Variants in CHN1 observed in about 807,000 individuals in gnomAD.
CHN1 encodes chimerin 1.
A neutral mutation model predicts 59.5 loss-of-function variants in CHN1; 37 were observed. The observed-to-expected ratio is 0.62, with a 90% CI of 0.48 to 0.82. CHN1 has a LOEUF of 0.82. Among genes scored for constraint, CHN1 ranks in the 40% least tolerant of loss-of-function variants. The pLI, the probability that CHN1 is intolerant of heterozygous loss-of-function variation, is 0.00. For synonymous variants in CHN1, 206 were observed against 200.4 expected (o/e 1.03, Z -0.24); for missense variants, 469 against 571.0 (o/e 0.82, Z 1.82).
At chr2:175,003,551 A>C (rs1163156661) in intron 1 of CHN1, among the ~76,000 whole-genome samples, 1 of 152,248 alleles carries the variant, frequency 6.6e-6, no homozygotes, top group Non-Finnish European at 1.5e-5. Flanking sequence ...TTTAGGAAAG[A>C]AAATGTTTGT....
intron 5 of CHN1, among the ~76,000 whole-genome samples, chr2:174,909,669 C>T (rs1688633953): frequency 1.3e-5 from 2 of 152,174 alleles, no homozygotes; most frequent in Admixed American, 6.5e-5. Flanking sequence ...GATCACAAGT[C>T]CTTCATAACA....
intron 6 of CHN1, among the ~76,000 whole-genome samples, chr2:174,874,627 A>T (rs1687506393): frequency 6.6e-6 from 1 of 152,168 alleles, no homozygotes; most frequent in Non-Finnish European, 1.5e-5. Context: ...GCAACAAAAA[A>T]ATAAAAACAC....
chr2:174,893,517 T>A (rs1245248536), intron 5 of CHN1, among the ~76,000 whole-genome samples: 1 of 152,024 alleles, frequency 6.6e-6, no homozygotes, highest in African/African-American at 2.4e-5. Flanking sequence ...GAAAACTTAA[T>A]ACTGTTAAAA....
intron 5 of CHN1, among the ~76,000 whole-genome samples, chr2:174,884,218 A>G (rs1973072): frequency 0.48 from 72,825 of 151,678 alleles, 18,145 homozygotes; most frequent in African/African-American, 0.59. Flanking sequence ...TGATCCACCC[A>G]CCTCGGTCTC....
intron 1 of CHN1, among the ~76,000 whole-genome samples, chr2:175,002,689 C>T (rs973528100): frequency 2.0e-5 from 3 of 152,136 alleles, no homozygotes; most frequent in African/African-American, 7.2e-5. Context: ...CCCTGGCAGT[C>T]GTTACTCTGG....
At chr2:174,856,046 T>C (rs1240547044) in intron 6 of CHN1, among the ~76,000 whole-genome samples, 1 of 152,140 alleles carries the variant, frequency 6.6e-6, no homozygotes, top group African/African-American at 2.4e-5. Flanking sequence ...CTCAGATCAC[T>C]AGGCCTTTTA....
At chr2:174,913,829 C>T (rs1451361137) in intron 5 of CHN1, among the ~76,000 whole-genome samples, 2 of 152,226 alleles carry the variant, frequency 1.3e-5, no homozygotes, top group Non-Finnish European at 2.9e-5. Context: ...TAGTCCTAAA[C>T]ATTAACATCA....
intron 5 of CHN1, among the ~76,000 whole-genome samples, chr2:174,901,488 A>G (rs185586623): frequency 1.0e-3 from 154 of 152,284 alleles, no homozygotes; most frequent in Non-Finnish European, 1.7e-3. Context: ...ATGCACTCGT[A>G]TCTCCCTTGC....
At chr2:174,833,640 T>C (rs1009735894) in intron 7 of CHN1, among the ~76,000 whole-genome samples, 4 of 152,218 alleles carry the variant, frequency 2.6e-5, no homozygotes, top group African/African-American at 4.8e-5. Flanking sequence ...AATGTAACTA[T>C]CAACCTGTTT....
At chr2:174,830,165 GGA>G (rs1176676187) in intron 7 of CHN1, among the ~76,000 whole-genome samples, 1 of 151,910 alleles carries the variant, frequency 6.6e-6, no homozygotes, top group Non-Finnish European at 1.5e-5. Flanking sequence ...CCCAGGAGGC[GGA>G]GCTTGCAGTG....
chr2:174,813,586 T>C (rs932905531), intron 8 of CHN1, among the ~76,000 whole-genome samples: 15 of 152,334 alleles, frequency 9.8e-5, no homozygotes, highest in African/African-American at 3.6e-4. Flanking sequence ...AAATTTTAGA[T>C]GGGGTAGAGA....
chr2:174,917,927 T>C (rs1688895005), intron 4 of CHN1, among the ~76,000 whole-genome samples: 1 of 152,144 alleles, frequency 6.6e-6, no homozygotes, highest in Admixed American at 6.5e-5. Flanking sequence ...ACTTTAAAAA[T>C]CATTGCATTT....
At chr2:174,939,010 A>C (rs965415424) in intron 3 of CHN1, among the ~76,000 whole-genome samples, 5 of 152,170 alleles carry the variant, frequency 3.3e-5, no homozygotes. Flanking sequence ...GCTCAATTTA[A>C]GTAGGAAAAT....
chr2:174,954,063 C>G (rs1411745233), intron 1 of CHN1, among the ~76,000 whole-genome samples: 2 of 152,078 alleles, frequency 1.3e-5, no homozygotes, highest in Non-Finnish European at 2.9e-5. Context: ...CCATAGTTAC[C>G]AAAACAGCAT....
intron 5 of CHN1, among the ~76,000 whole-genome samples, chr2:174,908,929 T>C (rs1402489433): frequency 6.6e-6 from 1 of 152,216 alleles, no homozygotes; most frequent in Non-Finnish European, 1.5e-5. Context: ...GTTTTCCATA[T>C]CACCTTTAAA....
At position 174,977,586 on chromosome 2, in the gene CHN1, C is replaced by T. The variant is rs981472493; in HGVS notation, c.20-25384G>A. 2.6e-4 allele frequency among the ~76,000 whole-genome samples: 40 copies of T among 152,280 alleles called. 1 individual carries two copies. Among genetic ancestry groups the T allele is most frequent in the Admixed American group, 5.2e-4 (8 of 15,302 alleles). On this transcript the variant is annotated intron_variant, in intron 1 of 12. Coordinates refer to ENST00000409900, the MANE Select transcript of CHN1 (RefSeq NM_001822.7). Reference sequence around the variant, plus strand: ...TAAGAAAACTGAAGGATGACACAATCGGATCATGTATTTCACAAATACAGA... The same window carrying T: ...TAAGAAAACTGAAGGATGACACAATTGGATCATGTATTTCACAAATACAGA...
At chr2:174,927,679 T>C (rs1370429101) in intron 3 of CHN1, among the ~76,000 whole-genome samples, 3 of 152,212 alleles carry the variant, frequency 2.0e-5, no homozygotes, top group Non-Finnish European at 4.4e-5. Context: ...CTGCAGGTAA[T>C]GCCACTAAAA....
At chr2:174,981,161 G>A (rs1691135464) in intron 1 of CHN1, among the ~76,000 whole-genome samples, 2 of 152,082 alleles carry the variant, frequency 1.3e-5, no homozygotes, top group Non-Finnish European at 1.5e-5. Flanking sequence ...CTTTCACTTC[G>A]AGTTGGATAA....
intron 6 of CHN1, chr2:174,847,224 A>G (rs547601391): frequency 1.4e-6 from 2 of 1,453,290 alleles, no homozygotes; most frequent in South Asian, 3.1e-5. Context: ...CAGGCAGCAC[A>G]GAACCCTAAC....
Sources: gnomAD v4.1 joint callset for allele counts (sites outside exome capture counted in the v4.1 genomes callset) on GRCh38, gnomAD v4.1.1 for gene constraint, MANE v1.5 for transcripts, NCBI Gene and HGNC (gene_info 2026-07-23, HGNC 2026-07-21) for gene names.